Variants in KIF1B observed in about 807,000 individuals in gnomAD.
KIF1B encodes the protein kinesin family member 1B.
A neutral mutation model predicts 241.9 loss-of-function variants in KIF1B; 76 were observed. The ratio of observed to expected loss-of-function variants is 0.31; its 90% CI spans 0.26 to 0.38. KIF1B has a LOEUF of 0.38. Ranked by LOEUF, KIF1B falls within the 10% of genes least tolerant of loss-of-function variation. The pLI, the probability that KIF1B is intolerant of heterozygous loss-of-function variation, is 1.00. For missense variants in KIF1B, 1,622 were observed against 2,271.4 expected, an observed-to-expected ratio of 0.71 and a Z score of 5.81; for synonymous variants, 750 against 796.7, an observed-to-expected ratio of 0.94 and a Z score of 0.99.
chr1:10,291,823 A>C (rs1650014363), intron 16 of KIF1B, among the ~76,000 whole-genome samples: 1 of 152,192 alleles, frequency 6.6e-6, no homozygotes, highest in Admixed American at 6.5e-5. Flanking sequence ...ATCTCAGTGA[A>C]TATAACTTTA....
intron 27 of KIF1B, among the ~76,000 whole-genome samples, chr1:10,331,281 T>C (rs1417181872): frequency 1.3e-5 from 2 of 152,212 alleles, no homozygotes; most frequent in African/African-American, 4.8e-5. Flanking sequence ...AAATTATCCA[T>C]TTGATACCTT....
chr1:10,368,915 A>C (rs545327041), intron 44 of KIF1B, among the ~76,000 whole-genome samples: 2 of 148,518 alleles, frequency 1.3e-5, no homozygotes, highest in South Asian at 4.4e-4. Flanking sequence ...AGAGTGAAGT[A>C]AACACTTCAG....
intron 38 of KIF1B, among the ~76,000 whole-genome samples, chr1:10,355,901 A>T (rs1402831238): frequency 6.6e-6 from 1 of 152,066 alleles, no homozygotes; most frequent in East Asian, 1.9e-4. Flanking sequence ...ATTTTTTAAC[A>T]TTTATCTTTC....
intron 2 of KIF1B, among the ~76,000 whole-genome samples, chr1:10,242,076 GATAAGA>G (rs1406309530): frequency 6.6e-6 from 1 of 152,148 alleles, no homozygotes; most frequent in African/African-American, 2.4e-5. Flanking sequence ...ACATACAGGT[GATAAGA>G]ATAAGAAATA....
At chr1:10,278,677 G>A (rs1649246232) in intron 13 of KIF1B, 1 of 182,916 alleles carries the variant, frequency 5.5e-6, no homozygotes, top group African/African-American at 2.4e-5. Context: ...TGAAGTTCAA[G>A]AACTACACTT....
At chr1:10,291,717 A>G (rs1183953261) in intron 16 of KIF1B, among the ~76,000 whole-genome samples, 1 of 152,068 alleles carries the variant, frequency 6.6e-6, no homozygotes, top group African/African-American at 2.4e-5. Flanking sequence ...CTCAAAAAAA[A>G]AAAAAAGGAA....
intron 1 of KIF1B, among the ~76,000 whole-genome samples, chr1:10,214,707 C>T (rs543711195): frequency 1.3e-5 from 2 of 151,738 alleles, no homozygotes; most frequent in Admixed American, 6.6e-5. Flanking sequence ...CTCAGCCTCC[C>T]GAGCAGCTGG....
chr1:10,215,170 A>T (rs1186404824), intron 1 of KIF1B, among the ~76,000 whole-genome samples: 1,213 of 50,094 alleles, frequency 0.024, 34 homozygotes, highest in Non-Finnish European at 0.031. Context: ...ATATATATAT[A>T]TATTTTTTTT....
At chr1:10,258,733 T>G in intron 4 of KIF1B, 61 bp downstream of exon 4, 1 of 1,520,874 alleles carries the variant, frequency 6.6e-7, no homozygotes, top group East Asian at 2.3e-5. Flanking sequence ...TTAAATTGCT[T>G]TAACAGTTAT....
chr1:10,323,109 G>T (rs1044582878), intron 24 of KIF1B, among the ~76,000 whole-genome samples: 1 of 151,974 alleles, frequency 6.6e-6, no homozygotes, highest in Non-Finnish European at 1.5e-5. Flanking sequence ...TGATCCTTCC[G>T]CCTCGGCCTT....
At chr1:10,273,134 T>C (rs1234632548) in intron 10 of KIF1B, 103 bp downstream of exon 10, 5 of 820,502 alleles carry the variant, frequency 6.1e-6, no homozygotes, top group Non-Finnish European at 9.7e-6. Context: ...TTCAAAAATC[T>C]TTTCATCATT....
chr1:10,230,186 T>C (rs1209585349), intron 1 of KIF1B, among the ~76,000 whole-genome samples: 3 of 151,978 alleles, frequency 2.0e-5, no homozygotes, highest in Non-Finnish European at 4.4e-5. Context: ...GTGACTTTGG[T>C]TTTTATGTTA....
chr1:10,305,417 G>T, intron 22 of KIF1B: 1 of 1,054,828 alleles, frequency 9.5e-7, no homozygotes. Context: ...TGACACACAT[G>T]CACACAAAGT....
At chr1:10,266,547 G>A (rs1648472788) in intron 5 of KIF1B, among the ~76,000 whole-genome samples, 1 of 152,178 alleles carries the variant, frequency 6.6e-6, no homozygotes, top group Non-Finnish European at 1.5e-5. Flanking sequence ...CCTTCTGGAG[G>A]ATACATCGTC....
At chr1:10,336,253 A>G (rs911120579) in intron 28 of KIF1B, among the ~76,000 whole-genome samples, 2 of 152,168 alleles carry the variant, frequency 1.3e-5, no homozygotes, top group East Asian at 3.9e-4. Context: ...GGTTCAAGCA[A>G]TTCTCCTGCC....
intron 9 of KIF1B, chr1:10,272,560 A>T: frequency 1.8e-6 from 1 of 551,818 alleles, no homozygotes; most frequent in Non-Finnish European, 3.3e-6. Flanking sequence ...GGTTTGACTC[A>T]TTTTTTTGAG....
At position 10,259,505 on chromosome 1, in the gene KIF1B, A is replaced by AT. The variant is rs869146825; in HGVS notation, c.363+848dup. Among the ~76,000 whole-genome samples the AT allele has an allele frequency of 6.0e-3, 735 of 121,548 alleles. 7 individuals are homozygous for AT. Among genetic ancestry groups the AT allele is most frequent in the African/African-American group, 0.021 (648 of 30,204 alleles). 79.7% of individuals were successfully genotyped at this position (121,548 alleles called of 152,430 possible). A position where few individuals can be genotyped will look rare whatever the true frequency, so the allele number is the denominator to read the frequency against. On this transcript the variant is annotated intron_variant, in intron 4 of 48. Transcript: ENST00000676179. ...CATTTTTAAATTAAAAAAAAAAAAA[A>AT]TTTTTTTTTTTTTTTGAGGTGGAGT...
intron 22 of KIF1B, chr1:10,307,374 A>G (rs920624021): frequency 2.0e-5 from 15 of 763,048 alleles, no homozygotes; most frequent in African/African-American, 1.3e-4. Flanking sequence ...CAGTGGCACA[A>G]TCTCAGCTCA....
intron 22 of KIF1B, among the ~76,000 whole-genome samples, chr1:10,310,751 A>T (rs1297455478): frequency 6.6e-6 from 1 of 151,504 alleles, no homozygotes; most frequent in Non-Finnish European, 1.5e-5. Flanking sequence ...TCTCAGAGTT[A>T]TGGAGGGAGA....
Sources: allele counts gnomAD v4.1 joint callset (sites outside exome capture counted in the v4.1 genomes callset), GRCh38; gene constraint gnomAD v4.1.1; transcripts MANE v1.5; gene names NCBI Gene and HGNC (gene_info 2026-07-23, HGNC 2026-07-21).